NCOA2: variants seen among roughly 807,000 people sequenced by gnomAD.
The protein encoded by NCOA2 is nuclear receptor coactivator 2.
NCOA2 carries 21 observed loss-of-function variants against 145.1 expected under a neutral mutation model. That is an observed-to-expected ratio of 0.14 (90% CI 0.10 to 0.21). NCOA2 has a LOEUF of 0.21. Ranked by LOEUF, NCOA2 falls within the 10% of genes least tolerant of loss-of-function variation. The pLI, the probability that NCOA2 is intolerant of heterozygous loss-of-function variation, is 1.00. For missense variants in NCOA2, 1,472 were observed against 1,837.6 expected, an observed-to-expected ratio of 0.80 and a Z score of 3.64; for synonymous variants, 619 against 637.5, an observed-to-expected ratio of 0.97 and a Z score of 0.44.
intron 1 of NCOA2, among the ~76,000 whole-genome samples, chr8:70,346,154 C>G (rs1000460170): frequency 6.6e-6 from 1 of 152,170 alleles, no homozygotes; most frequent in Admixed American, 6.5e-5. Context: ...AATCCTAACT[C>G]TAAGCATTTA....
At chr8:70,317,443 C>A (rs568707120) in intron 1 of NCOA2, among the ~76,000 whole-genome samples, 1 of 152,352 alleles carries the variant, frequency 6.6e-6, no homozygotes, top group Non-Finnish European at 1.5e-5. Context: ...CACAACCCAA[C>A]ACTGTGGCAT....
intron 1 of NCOA2, among the ~76,000 whole-genome samples, chr8:70,320,270 T>C (rs564543449): frequency 6.6e-6 from 1 of 152,256 alleles, no homozygotes; most frequent in South Asian, 2.1e-4. Context: ...GAAACTACAT[T>C]ATGAGAAAAA....
chr8:70,124,904 T>G (rs751664184), intron 19 of NCOA2, 39 bp from the exon 20 acceptor site: 2 of 1,535,432 alleles, frequency 1.3e-6, no homozygotes, highest in South Asian at 2.5e-5. Flanking sequence ...CAAAAGAGAC[T>G]GTTAGTTATA....
chr8:70,261,068 G>A (rs1308577806), intron 2 of NCOA2, among the ~76,000 whole-genome samples: 18 of 152,150 alleles, frequency 1.2e-4, no homozygotes, highest in Admixed American at 1.1e-3. Context: ...TCTAGAACAG[G>A]AAATACCATT....
At chr8:70,366,742 T>TAA (rs34947410) in intron 1 of NCOA2, among the ~76,000 whole-genome samples, 4,552 of 138,554 alleles carry the variant, frequency 0.033, 231 homozygotes, top group African/African-American at 0.11. Context: ...CCATTGGCTT[T>TAA]AAAAAAAAAA....
At chr8:70,289,112 T>C (rs1196613048) in intron 2 of NCOA2, among the ~76,000 whole-genome samples, 2 of 152,236 alleles carry the variant, frequency 1.3e-5, no homozygotes, top group Admixed American at 6.5e-5. Context: ...AGTTTCAAAA[T>C]ACATGAGTTC....
chr8:70,220,815 C>T (rs965729596), intron 2 of NCOA2, among the ~76,000 whole-genome samples: 24 of 152,124 alleles, frequency 1.6e-4, no homozygotes, highest in African/African-American at 5.1e-4. Context: ...ATCAAGACAG[C>T]CTATCTTCCA....
the NCOA2 span, among the ~76,000 whole-genome samples, chr8:70,423,372 G>A: frequency 5.3e-5 from 8 of 152,158 alleles, no homozygotes; most frequent in South Asian, 2.1e-4. Context: ...TAGTAAAGAC[G>A]GGATTTCACC....
chr8:70,290,703 A>T (rs1318296214), intron 2 of NCOA2, among the ~76,000 whole-genome samples: 1 of 152,120 alleles, frequency 6.6e-6, no homozygotes, highest in Admixed American at 6.6e-5. Context: ...ACAGTAAAAT[A>T]AAAAAAACTT....
intron 1 of NCOA2, chr8:70,402,059 C>T (rs1273882722): frequency 1.3e-5 from 2 of 152,458 alleles, no homozygotes; most frequent in Middle Eastern, 3.4e-3. Context: ...GAGTAGCTGG[C>T]TCTCAGCGTC....
intron 4 of NCOA2, among the ~76,000 whole-genome samples, chr8:70,211,373 C>A (rs569000644): frequency 6.6e-5 from 10 of 151,718 alleles, no homozygotes; most frequent in Non-Finnish European, 2.9e-5. Flanking sequence ...GCAGGAGAAT[C>A]GCTTGAACCC....
At chr8:70,451,421 AGG>A in the NCOA2 span, among the ~76,000 whole-genome samples, 21 of 136,162 alleles carry the variant, frequency 1.5e-4, no homozygotes, top group African/African-American at 5.9e-4. Context: ...AAAAAAAAAA[AGG>A]AGGAAACAAA....
At chr8:70,216,385 T>C (rs2133938759) in intron 3 of NCOA2, among the ~76,000 whole-genome samples, 1 of 152,156 alleles carries the variant, frequency 6.6e-6, no homozygotes, top group South Asian at 2.1e-4. Flanking sequence ...CTTGTTATAA[T>C]ATTGTGTAAT....
intron 2 of NCOA2, among the ~76,000 whole-genome samples, chr8:70,236,351 C>A (rs1821603046): frequency 6.6e-6 from 1 of 152,118 alleles, no homozygotes; most frequent in South Asian, 2.1e-4. Flanking sequence ...ATACAAGGTG[C>A]CTTATGATCT....
intron 12 of NCOA2, among the ~76,000 whole-genome samples, chr8:70,147,808 TA>T (rs1354354384): frequency 6.6e-6 from 1 of 152,162 alleles, no homozygotes; most frequent in Admixed American, 6.5e-5. Flanking sequence ...AATATTTTAT[TA>T]TTTTTTTTTA....
At chr8:70,437,854 C>T in the NCOA2 span, among the ~76,000 whole-genome samples, 4 of 152,174 alleles carry the variant, frequency 2.6e-5, no homozygotes, top group Non-Finnish European at 5.9e-5. Flanking sequence ...ATTATACATA[C>T]ATGTAACAGT....
At chr8:70,363,224 A>G (rs149045431) in intron 1 of NCOA2, among the ~76,000 whole-genome samples, 1 of 152,066 alleles carries the variant, frequency 6.6e-6, no homozygotes, top group Non-Finnish European at 1.5e-5. Flanking sequence ...TCTACTAAAA[A>G]TACATAAAAT....
intron 1 of NCOA2, among the ~76,000 whole-genome samples, chr8:70,301,655 CAAAAAAAAAAAAAAAAA>C (rs71275063): frequency 1.7e-5 from 1 of 60,144 alleles, no homozygotes; most frequent in Admixed American, 2.1e-4. Flanking sequence ...GACCCTTTCT[CAAAAAAAAAAAAAAAAA>C]AAAAAAAAGA....
At chr8:70,207,862 C>CA (rs754670876) in intron 4 of NCOA2, among the ~76,000 whole-genome samples, 9,875 of 35,944 alleles carry the variant, frequency 0.27, 1,619 homozygotes, top group Non-Finnish European at 0.33. Context: ...GACTCCACCT[C>CA]AAAAAAAAAA....
Sources: allele counts gnomAD v4.1 joint callset (sites outside exome capture counted in the v4.1 genomes callset), GRCh38; gene constraint gnomAD v4.1.1; transcripts MANE v1.5; gene names NCBI Gene and HGNC (gene_info 2026-07-23, HGNC 2026-07-21).